The following NUP35 variants were observed in gnomAD, a reference collection of about 807,000 sequenced individuals.
NUP35 encodes nucleoporin NUP35.
In NUP35, 25 loss-of-function variants were observed where a neutral mutation model predicts 41.5. The ratio of observed to expected loss-of-function variants is 0.60; its 90% CI spans 0.44 to 0.84. NUP35 has a LOEUF of 0.84. Among genes scored for constraint, NUP35 ranks in the 40% least tolerant of loss-of-function variants. The pLI is 0.00. For missense variants in NUP35, 396 were observed against 396.6 expected (o/e 1.00, Z 0.01); for synonymous variants, 149 against 130.7 (o/e 1.14, Z -0.96).
At chr2:183,131,597 G>A (rs1185622103) in intron 3 of NUP35, among the ~76,000 whole-genome samples, 1 of 152,140 alleles carries the variant, frequency 6.6e-6, no homozygotes, top group African/African-American at 2.4e-5. Context: ...CTGCCTTCCT[G>A]TCCAACAGGA....
At chr2:183,142,895 G>T (rs551935589) in intron 4 of NUP35, among the ~76,000 whole-genome samples, 2 of 151,602 alleles carry the variant, frequency 1.3e-5, no homozygotes, top group African/African-American at 4.8e-5. Flanking sequence ...GGTGGCTCAC[G>T]CCTGTAATCC....
At chr2:183,157,552 A>G (rs1260490612) in intron 6 of NUP35, 39 bp downstream of exon 6, 5 of 1,346,810 alleles carry the variant, frequency 3.7e-6, no homozygotes, top group South Asian at 1.2e-5. Context: ...TTTTGACTAA[A>G]GAGGGATAAG....
chr2:183,152,443 C>G (rs1028271122), intron 5 of NUP35, among the ~76,000 whole-genome samples: 9 of 152,120 alleles, frequency 5.9e-5, no homozygotes, highest in African/African-American at 9.7e-5. Context: ...CTTTCCCACC[C>G]TTTCCCCCGA....
chr2:183,156,515 A>G (rs1375680070), intron 5 of NUP35, among the ~76,000 whole-genome samples: 5 of 151,758 alleles, frequency 3.3e-5, no homozygotes, highest in Admixed American at 1.3e-4. Flanking sequence ...GATTTTTTGT[A>G]TTTTTAGTAG....
At chr2:183,160,515 G>A (rs1685834400) in intron 8 of NUP35, 1 of 152,074 alleles carries the variant, frequency 6.6e-6, no homozygotes, top group South Asian at 2.1e-4. Context: ...AGCCTCCTGA[G>A]TAGATTACAG....
At chr2:183,125,555 A>T (rs1486400301) in intron 1 of NUP35, among the ~76,000 whole-genome samples, 4 of 152,244 alleles carry the variant, frequency 2.6e-5, no homozygotes, top group Non-Finnish European at 5.9e-5. Context: ...GCATAATGTC[A>T]ATAATGCAGA....
chr2:183,153,504 G>A (rs953849107), intron 5 of NUP35, among the ~76,000 whole-genome samples: 1 of 152,248 alleles, frequency 6.6e-6, no homozygotes, highest in South Asian at 2.1e-4. Flanking sequence ...AAAACAGAGG[G>A]GTTATAGGCC....
intron 1 of NUP35, among the ~76,000 whole-genome samples, chr2:183,127,578 CTT>C (rs1189768818): frequency 2.0e-5 from 3 of 152,164 alleles, no homozygotes; most frequent in African/African-American, 7.2e-5. Context: ...TAATGATGAA[CTT>C]TTTATGGGGA....
At chr2:183,157,334 A>T in intron 5 of NUP35, 110 bp from the exon 6 acceptor site, 1 of 820,048 alleles carries the variant, frequency 1.2e-6, no homozygotes. Flanking sequence ...CTCTCCTGTT[A>T]ACGTTCTAGA....
At chr2:183,140,230 A>G (rs1685039781) in intron 4 of NUP35, among the ~76,000 whole-genome samples, 1 of 152,114 alleles carries the variant, frequency 6.6e-6, no homozygotes, top group African/African-American at 2.4e-5. Flanking sequence ...GCCCTAGAGG[A>G]GAATTTTTTT....
At chr2:183,134,557 GC>G in intron 4 of NUP35, among the ~76,000 whole-genome samples, 1 of 151,794 alleles carries the variant, frequency 6.6e-6, no homozygotes, top group Non-Finnish European at 1.5e-5. Flanking sequence ...GTCTTGGTGG[GC>G]TAAAATCTAG....
At chr2:183,141,241 C>T (rs76763885) in intron 4 of NUP35, among the ~76,000 whole-genome samples, 6,508 of 152,130 alleles carry the variant, frequency 0.043, 466 homozygotes, top group African/African-American at 0.15. Flanking sequence ...AGTAAAATCT[C>T]CTACTTCCCT....
chr2:183,150,508 T>C (rs1685433021), intron 4 of NUP35, among the ~76,000 whole-genome samples: 1 of 152,176 alleles, frequency 6.6e-6, no homozygotes, highest in African/African-American at 2.4e-5. Context: ...TTGTTTTGCT[T>C]CCCTTGTCCT....
intron 4 of NUP35, among the ~76,000 whole-genome samples, chr2:183,140,658 CA>C (rs1685057876): frequency 6.6e-6 from 1 of 151,890 alleles, no homozygotes; most frequent in Non-Finnish European, 1.5e-5. Flanking sequence ...CCCATCTCTA[CA>C]AAAACTACAA....
chr2:183,161,200 G>C lies in NUP35; in HGVS notation c.*69G>C. On this transcript the variant is annotated 3_prime_UTR_variant, in exon 9 of 9. Coordinates refer to ENST00000295119, the MANE Select transcript of NUP35 (RefSeq NM_138285.5). ...AGAGTGCTGCTGGTTCCTTCGGTTA[G>C]TTATATAACTGTTCCTGCAGTATTG... The C allele has an allele frequency of 9.0e-7, 1 of 1,109,568 alleles. No homozygotes were observed. Among genetic ancestry groups the C allele is most frequent in the Non-Finnish European group, 1.3e-6 (1 of 744,178 alleles). The allele number at this position is 1,109,568 out of a possible 1,614,324, so 68.7% of individuals were successfully genotyped here.
At position 183,161,248 on chromosome 2, in the gene NUP35, T is replaced by G; in HGVS notation, c.*117T>G. 1.6e-6 allele frequency: 1 copy of G among 615,678 alleles called. No homozygotes were observed. Among genetic ancestry groups the G allele is most frequent in the Non-Finnish European group, 2.8e-6 (1 of 356,140 alleles). 38.1% of individuals were successfully genotyped at this position (615,678 alleles called of 1,614,324 possible). ...TTGGATAGCTATCTCATACTTCTTT[T>G]AGAAAGAAGCCTTTTTCATTAAGGA... is the stretch of plus-strand genomic sequence containing the variant. On this transcript the variant is annotated 3_prime_UTR_variant, in exon 9 of 9. Coordinates refer to ENST00000295119, the MANE Select transcript of NUP35 (RefSeq NM_138285.5).
chr2:183,152,844 T>C (rs1685517569), intron 5 of NUP35, among the ~76,000 whole-genome samples: 3 of 151,920 alleles, frequency 2.0e-5, no homozygotes, highest in African/African-American at 7.2e-5. Context: ...CAAGCTGATA[T>C]TTACACTCTA....
At chr2:183,156,325 CAT>C (rs955732154) in intron 5 of NUP35, among the ~76,000 whole-genome samples, 22 of 152,024 alleles carry the variant, frequency 1.4e-4, no homozygotes, top group African/African-American at 5.3e-4. Context: ...ATATTTTACT[CAT>C]ATAGATTTTA....
exon 1 of NUP35, chr2:183,117,578 T>C (rs1161956771): frequency 6.6e-6 from 1 of 152,222 alleles, no homozygotes; most frequent in Non-Finnish European, 1.5e-5. Flanking sequence ...CCCCTTGCTC[T>C]CTTTCTGAAG....
Sources: allele counts gnomAD v4.1 joint callset (sites outside exome capture counted in the v4.1 genomes callset), GRCh38; gene constraint gnomAD v4.1.1; transcripts MANE v1.5; gene names NCBI Gene and HGNC (gene_info 2026-07-23, HGNC 2026-07-21).